PHF19: variants seen among roughly 807,000 people sequenced by gnomAD.
The protein encoded by PHF19 is PHD finger protein 19.
A neutral mutation model predicts 79.8 loss-of-function variants in PHF19; 21 were observed. That is an observed-to-expected ratio of 0.26 (90% CI 0.19 to 0.38). PHF19 has a LOEUF of 0.38. Among genes scored for constraint, PHF19 ranks in the 10% least tolerant of loss-of-function variants. The pLI is 1.00. For synonymous variants in PHF19, 273 were observed against 296.3 expected (o/e 0.92, Z 0.81); for missense variants, 445 against 744.2 (o/e 0.60, Z 4.68).
At chr9:120,884,448 A>G (rs1323991830) in intron 1 of PHF19, among the ~76,000 whole-genome samples, 2 of 152,202 alleles carry the variant, frequency 1.3e-5, no homozygotes, top group Admixed American at 1.3e-4. Flanking sequence ...CCGGGAGCCA[A>G]GGCTCTTGCT....
At chr9:120,885,784 A>G (rs1216170378) in intron 1 of PHF19, among the ~76,000 whole-genome samples, 5 of 152,168 alleles carry the variant, frequency 3.3e-5, no homozygotes, top group Non-Finnish European at 7.3e-5. Flanking sequence ...ATTTATTTTA[A>G]AATCCTTCTG....
chr9:120,871,203 T>C (rs1484677313), intron 3 of PHF19, among the ~76,000 whole-genome samples: 2 of 152,174 alleles, frequency 1.3e-5, no homozygotes, highest in East Asian at 3.8e-4. Context: ...GTGCCCAGCC[T>C]AGAAGTTATA....
upstream of PHF19, among the ~76,000 whole-genome samples, chr9:120,878,522 C>T (rs186670789): frequency 1.3e-5 from 2 of 152,202 alleles, no homozygotes; most frequent in Non-Finnish European, 2.9e-5. Context: ...CAGCACCTTC[C>T]CCCAGAGCCT....
intron 10 of PHF19, among the ~76,000 whole-genome samples, chr9:120,863,655 G>T (rs1588096226): frequency 6.6e-6 from 1 of 152,258 alleles, no homozygotes; most frequent in East Asian, 1.9e-4. Flanking sequence ...TGAGGGACAT[G>T]GCCAGCTGTG....
At chr9:120,885,941 T>C (rs2046256791) in intron 1 of PHF19, among the ~76,000 whole-genome samples, 1 of 152,216 alleles carries the variant, frequency 6.6e-6, no homozygotes, top group Non-Finnish European at 1.5e-5. Context: ...TCTTTAAAGC[T>C]AATCTTCACT....
Position 120,877,022 on chromosome 9 carries a change from GAA to G in PHF19, c.-16+67_-16+68del, listed in dbSNP as rs537713927. 1.0e-3 allele frequency: 998 copies of G among 985,462 alleles called. 11 individuals are homozygous for G. The African/African-American group carries it at 0.016, about 16-fold the overall frequency. 61.0% of individuals were successfully genotyped at this position (985,462 alleles called of 1,614,324 possible). A position where few individuals can be genotyped will look rare whatever the true frequency, so the allele number is the denominator to read the frequency against. On this transcript the variant is annotated intron_variant, in intron 1 of 14. Coordinates refer to ENST00000373896, the MANE Select transcript of PHF19 (RefSeq NM_015651.3). The stretch of plus-strand genomic sequence containing the variant: ...GGCCGCCAAAGTTCAGGGAGATTTC[GAA>G]AAGAGAGGGATGAGGGCCGGGAGGG...
At chr9:120,859,994 T>C (rs1239458542) in intron 14 of PHF19, 96 bp downstream of exon 14, 4 of 717,372 alleles carry the variant, frequency 5.6e-6, no homozygotes, top group African/African-American at 5.3e-5. Context: ...CTGAGACACA[T>C]AGAATGAGCC....
At chr9:120,865,435 C>G (rs2045670173) in intron 9 of PHF19, among the ~76,000 whole-genome samples, 1 of 152,226 alleles carries the variant, frequency 6.6e-6, no homozygotes, top group Admixed American at 6.5e-5. Flanking sequence ...GCCAGGAAAT[C>G]TGGAGTGGGT....
chr9:120,873,432 G>T (rs1308964355), intron 3 of PHF19, among the ~76,000 whole-genome samples: 1 of 152,212 alleles, frequency 6.6e-6, no homozygotes, highest in East Asian at 1.9e-4. Flanking sequence ...CTAAAAGCTG[G>T]TCTAGCTCCA....
At chr9:120,901,882 G>A in the PHF19 span, among the ~76,000 whole-genome samples, 1 of 152,282 alleles carries the variant, frequency 6.6e-6, no homozygotes, top group African/African-American at 2.4e-5. Flanking sequence ...GTGGGTGGAG[G>A]CACTAACCTG....
chr9:120,892,332 C>T (rs1008411237), intron 1 of PHF19, among the ~76,000 whole-genome samples: 1 of 151,956 alleles, frequency 6.6e-6, no homozygotes, highest in Non-Finnish European at 1.5e-5. Context: ...TGGGCCAGCA[C>T]GGAGTAGGAG....
chr9:120,878,129 C>A (rs1424004043), upstream of PHF19, among the ~76,000 whole-genome samples: 1 of 152,226 alleles, frequency 6.6e-6, no homozygotes, highest in African/African-American at 2.4e-5. Context: ...AGGAAACCTA[C>A]ATGGCCGAAA....
Position 120,891,771 on chromosome 9 carries a change from G to A in PHF19, c.42+3017C>T, listed in dbSNP as rs573788111. Among the ~76,000 whole-genome samples the A allele has an allele frequency of 1.3e-5, 2 of 152,314 alleles. No individual in the cohort carries two copies. Among genetic ancestry groups the A allele is most frequent in the African/African-American group, 4.8e-5 (2 of 41,560 alleles). On this transcript the variant is annotated intron_variant, in intron 1 of 14. Transcript: ENST00000616568. The surrounding 1 kb of genome is among the most constrained non-coding windows in gnomAD (Gnocchi z 4.3). ...CCCACCCAGTCTTCCGTGCTTGTTA[G>A]GAGAGACGGAAGCATCACAGTCACC...
chr9:120,858,739 G>A (rs550677321), intron 14 of PHF19, among the ~76,000 whole-genome samples: 1 of 151,500 alleles, frequency 6.6e-6, no homozygotes, highest in South Asian at 2.1e-4. Context: ...AACAAGATAG[G>A]TCACATAGGG....
intron 14 of PHF19, 90 bp downstream of exon 14, chr9:120,860,000 G>A: frequency 1.4e-6 from 1 of 731,626 alleles, no homozygotes; most frequent in East Asian, 2.7e-5. Flanking sequence ...CACATAGAAT[G>A]AGCCACACAT....
upstream of PHF19, among the ~76,000 whole-genome samples, chr9:120,895,737 C>T (rs535926914): frequency 5.9e-5 from 9 of 152,268 alleles, no homozygotes; most frequent in South Asian, 4.2e-4. Context: ...ACTGCAGCCT[C>T]GACCTCCTGG....
intron 3 of PHF19, among the ~76,000 whole-genome samples, chr9:120,872,225 G>A (rs1014238743): frequency 6.6e-6 from 1 of 152,116 alleles, no homozygotes; most frequent in African/African-American, 2.4e-5. Flanking sequence ...GTGCATCTCA[G>A]TAAGTCCTCA....
At chr9:120,879,281 TGAGACACACAGGTGGATGG>T (rs1168247120), upstream of PHF19, among the ~76,000 whole-genome samples, 3 of 152,154 alleles carry the variant, frequency 2.0e-5, no homozygotes, top group Admixed American at 6.5e-5. Flanking sequence ...CGGGGGGATG[TGAGACACACAGGTGGATGG>T]GAGACACACA....
chr9:120,894,816 A>T (rs944368222), exon 1 of PHF19: 30 of 1,230,366 alleles, frequency 2.4e-5, no homozygotes, highest in Admixed American at 4.2e-5. Context: ...ACCACGGATT[A>T]CCAAGACCAG....
Sources: gnomAD v4.1 joint callset for allele counts (sites outside exome capture counted in the v4.1 genomes callset) on GRCh38, gnomAD v4.1.1 for gene constraint, Gnocchi (gnomAD v3.1) non-coding constraint, MANE v1.5 for transcripts, NCBI Gene and HGNC (gene_info 2026-07-23, HGNC 2026-07-21) for gene names.